ZNF618: variants seen among roughly 807,000 people sequenced by gnomAD.
The protein encoded by ZNF618 is neural precursor cell expressed, developmentally down-regulated 10.
Under a neutral mutation model 103.0 loss-of-function variants are expected in ZNF618, and 34 were observed. The observed-to-expected ratio is 0.33, with a 90% confidence interval of 0.25 to 0.44. ZNF618 has a LOEUF of 0.44. Among genes scored for constraint, ZNF618 ranks in the 20% least tolerant of loss-of-function variants. The probability of loss-of-function intolerance (pLI) is 1.00; values close to 1 mark genes in which losing one functional copy is unlikely to be tolerated. For synonymous variants in ZNF618, 551 were observed against 542.2 expected (o/e 1.02, Z -0.23); for missense variants, 1,059 against 1,295.4 (o/e 0.82, Z 2.80).
intron 1 of ZNF618, among the ~76,000 whole-genome samples, chr9:113,938,572 CTT>C (rs71367741): frequency 1.5e-5 from 2 of 136,718 alleles, no homozygotes; most frequent in African/African-American, 2.6e-5. Context: ...TTCTTTTTTT[CTT>C]TTTTTTTTTT....
chr9:113,956,203 C>CT (rs1479122413), intron 1 of ZNF618, among the ~76,000 whole-genome samples: 3 of 95,194 alleles, frequency 3.2e-5, no homozygotes, highest in Admixed American at 1.6e-4. Flanking sequence ...GAGTTAAACT[C>CT]TGTCTCAAAA....
chr9:113,939,644 A>T (rs1834373702), intron 1 of ZNF618, among the ~76,000 whole-genome samples: 1 of 152,020 alleles, frequency 6.6e-6, no homozygotes, highest in Non-Finnish European at 1.5e-5. Flanking sequence ...TCCTCTAATT[A>T]TTGGCCTATT....
chr9:114,047,126 C>T (rs1236609830), intron 13 of ZNF618, among the ~76,000 whole-genome samples: 1 of 152,196 alleles, frequency 6.6e-6, no homozygotes, highest in Non-Finnish European at 1.5e-5. Flanking sequence ...ATCCCATAAA[C>T]ATGTCAAGGA....
intron 10 of ZNF618, among the ~76,000 whole-genome samples, chr9:114,026,875 A>G (rs1375485526): frequency 1.3e-5 from 2 of 152,026 alleles, no homozygotes. Context: ...CGAGGGGGGA[A>G]AACAAAGGCC....
chr9:113,877,844 G>A (rs1476784920), intron 1 of ZNF618, among the ~76,000 whole-genome samples: 1 of 152,002 alleles, frequency 6.6e-6, no homozygotes, highest in Non-Finnish European at 1.5e-5. Flanking sequence ...CAGATTTGTA[G>A]GAGAGACCGC....
intron 1 of ZNF618, 128 bp downstream of exon 1, chr9:113,876,541 T>C: frequency 1.4e-6 from 1 of 721,198 alleles, no homozygotes; most frequent in African/African-American, 1.9e-5. Flanking sequence ...GGGCTTTTTG[T>C]GGGCGCAATC....
Position 113,951,577 on chromosome 9 carries a change from ATGTGTGTG to A in ZNF618, c.34-17526_34-17519del, listed in dbSNP as rs33967417. On this transcript the variant is annotated intron_variant, in intron 1 of 14. Transcript: ENST00000374126. The stretch of plus-strand genomic sequence containing the variant: ...TGTGTGTGTATATGTGTGTGTGTAT[ATGTGTGTG>A]TGTGTGTGTGTGTATATATATGTAT... 1.1e-3 allele frequency among the ~76,000 whole-genome samples: 52 copies of A among 49,126 alleles called. 12 individuals carry two copies. Among genetic ancestry groups the A allele is most frequent in the Non-Finnish European group, 1.8e-3 (42 of 23,742 alleles). The allele number at this position is 49,126 out of a possible 152,430, so 32.2% of individuals were successfully genotyped here.
chr9:113,963,338 T>C (rs1415040647), intron 1 of ZNF618, among the ~76,000 whole-genome samples: 1 of 152,232 alleles, frequency 6.6e-6, no homozygotes. Flanking sequence ...TATAAAAATA[T>C]ATGAAATATG....
At chr9:113,916,149 G>A (rs1832059641) in intron 1 of ZNF618, among the ~76,000 whole-genome samples, 1 of 151,880 alleles carries the variant, frequency 6.6e-6, no homozygotes, top group African/African-American at 2.4e-5. Context: ...AGGAACACCC[G>A]AAAGCTTTTT....
chr9:113,932,976 C>T (rs1040155769), intron 1 of ZNF618, among the ~76,000 whole-genome samples: 1 of 152,024 alleles, frequency 6.6e-6, no homozygotes, highest in Non-Finnish European at 1.5e-5. Flanking sequence ...GCCTCAGACT[C>T]GGGGAGAGGA....
intron 3 of ZNF618, among the ~76,000 whole-genome samples, chr9:113,994,505 C>T (rs1354929060): frequency 1.3e-5 from 2 of 152,218 alleles, no homozygotes; most frequent in Admixed American, 6.5e-5. Context: ...AGAAAGGGCC[C>T]TTGGGCTGTA....
intron 2 of ZNF618, among the ~76,000 whole-genome samples, chr9:113,974,500 G>C (rs1253483265): frequency 6.6e-6 from 1 of 152,212 alleles, no homozygotes; most frequent in Non-Finnish European, 1.5e-5. Flanking sequence ...CATTCTGGCT[G>C]CCAGGAGGAT....
chr9:113,952,783 A>T (rs1336686074), intron 1 of ZNF618, among the ~76,000 whole-genome samples: 1 of 152,248 alleles, frequency 6.6e-6, no homozygotes, highest in Non-Finnish European at 1.5e-5. Context: ...ATGGTTTACT[A>T]AGGATGCCTG....
rs754311837 is a variant in ZNF618, at chr9:114,049,955, G to A, written c.2653G>A (p.Ala885Thr). The change falls in exon 15 of 15, where the codon GCT becomes ACT. Residue 885 changes from alanine to threonine, a missense_variant. This residue lies in a region of ZNF618 where 156 missense variants were observed against 197.1 expected (regional missense o/e 0.79). Coordinates refer to ENST00000374126, the MANE Select transcript of ZNF618 (RefSeq NM_001318042.2). ...TTACCTGCAGGAGCCCCTCTTCCAG[G>A]CTACCCCTGATCTCTTCCAGTACTG... The part of the protein sequence containing the change: ...YDYLQEPLFQ[A>T]TPDLFQYWSC... 1.2e-6 allele frequency: 2 copies of A among 1,613,812 alleles called. No homozygotes were observed. Among genetic ancestry groups the A allele is most frequent in the African/African-American group, 2.7e-5 (2 of 74,930 alleles).
rs907527073 is a variant in ZNF618 at position 114,053,890 on chromosome 9, C to T, written c.*3723C>T. ...CGCATCACCAGTGAGGAAGCTTTGC[C>T]ACCATCCTGCTTGGCAGCTTCACAC... On this transcript the variant is annotated 3_prime_UTR_variant, in exon 15 of 15. Transcript: ENST00000374126. The T allele has an allele frequency of 1.3e-5, 2 of 152,230 alleles. No individual in the cohort carries two copies. The allele number at this position is 152,230 out of a possible 1,614,324, so 9.4% of individuals were successfully genotyped here.
chr9:114,026,285 G>T (rs1843494219), intron 10 of ZNF618, among the ~76,000 whole-genome samples: 1 of 152,218 alleles, frequency 6.6e-6, no homozygotes, highest in Non-Finnish European at 1.5e-5. Flanking sequence ...GCTGGAGAGG[G>T]GAGCGGTCCC....
chr9:114,016,073 C>T (rs1320728229), intron 9 of ZNF618: 2 of 1,527,736 alleles, frequency 1.3e-6, no homozygotes, highest in African/African-American at 1.4e-5. Context: ...AGTTTTTATT[C>T]TGTATTTGTA....
chr9:113,958,227 G>C (rs1836503247), intron 1 of ZNF618, among the ~76,000 whole-genome samples: 1 of 152,304 alleles, frequency 6.6e-6, no homozygotes, highest in East Asian at 1.9e-4. Context: ...ATGTGGATTT[G>C]GACTCGGAGT....
At chr9:114,039,746 T>G (rs374494076) in intron 13 of ZNF618, among the ~76,000 whole-genome samples, 78 of 152,326 alleles carry the variant, frequency 5.1e-4, no homozygotes, top group African/African-American at 1.7e-3. Context: ...TCAGCAGGGC[T>G]GGGTTGAGGG....
Sources: gnomAD v4.1 joint callset for allele counts (sites outside exome capture counted in the v4.1 genomes callset) on GRCh38, gnomAD v4.1.1 for gene constraint, gnomAD v4.1.1 regional missense constraint, MANE v1.5 for transcripts, NCBI Gene and HGNC (gene_info 2026-07-23, HGNC 2026-07-21) for gene names.